KIF19: variants seen among roughly 807,000 people sequenced by gnomAD.
The protein encoded by KIF19 is kinesin-like protein KIF19.
A neutral mutation model predicts 106.6 loss-of-function variants in KIF19; 98 were observed. The observed-to-expected ratio is 0.92, with a 90% CI of 0.78 to 1.09. The LOEUF (loss-of-function observed/expected upper bound fraction) is 1.09. Ranked by LOEUF, KIF19 falls within the 50% of genes least tolerant of loss-of-function variation. The pLI is 0.00. For missense variants in KIF19, 1,373 were observed against 1,414.3 expected (o/e 0.97, Z 0.47); for synonymous variants, 516 against 584.2 (o/e 0.88, Z 1.68).
Position 74,354,311 on chromosome 17 carries a change from G to C in KIF19, c.2458G>C (p.Asp820His), listed in dbSNP as rs1185107808. The C allele has an allele frequency of 6.2e-7, 1 of 1,608,396 alleles. No homozygotes were observed. Among genetic ancestry groups the C allele is most frequent in the Non-Finnish European group, 8.5e-7 (1 of 1,178,192 alleles). The change falls in exon 18 of 20, where the codon GAT (aspartate) becomes CAT (histidine). Residue 820 changes from aspartate to histidine, a missense_variant. Asp to His is a moderately conservative substitution (Grantham distance 81). Transcript: ENST00000389916. ...CCTGCACTCACTGAGCGAGGGCGAC[G>C]ATGCGCGGCCACCAGGCCCACTGGC... ...LSLHSLSEGD[D>H]ARPPGPLACK...
rs759343368 is a variant in KIF19 at position 74,353,218 on chromosome 17, G to A, written c.2137G>A (p.Ala713Thr). 4 of 1,587,990 alleles carry A rather than the reference G, an allele frequency of 2.5e-6. No homozygotes were observed. The highest frequency in any genetic ancestry group is 3.4e-6 in the Non-Finnish European group (4 of 1,167,584). The change falls in exon 16 of 20, where the codon GCT (alanine) becomes ACT (threonine). Residue 713 changes from alanine to threonine, a missense_variant. Physicochemically the swap from Ala to Thr is moderately conservative, Grantham distance 58. Transcript: ENST00000389916. ...TESEGHHVFKAGTGAWQAKSS... is the reference protein window; with the variant it reads ...TESEGHHVFKTGTGAWQAKSS... ...CAGTGAAGGCCACCACGTGTTCAAG[G>A]CTGGTACTGGGGCCTGGCAGGCAAA...
Position 74,354,241 on chromosome 17 carries a change from G to A in KIF19, c.2388G>A (p.Glu796=), listed in dbSNP as rs781271668. The A allele has an allele frequency of 2.8e-5, 45 of 1,608,426 alleles. No individual in the cohort carries two copies. Among genetic ancestry groups the A allele is most frequent in the Non-Finnish European group, 3.6e-5 (43 of 1,179,426 alleles). The change falls in exon 18 of 20, where the codon GAG becomes GAA. Residue 796 remains glutamate (E), a synonymous_variant. Coordinates refer to ENST00000389916, the MANE Select transcript of KIF19 (RefSeq NM_153209.4). ...GGCGCTCGCGGGCCCTGGGAACCGA[G>A]GGGCGACACCTGCTGGCACCCGCGA... ...ARRRSRALGT[E]GRHLLAPATE...
chr17:74,337,983 G>T (rs939975252), intron 2 of KIF19, among the ~76,000 whole-genome samples: 8 of 152,282 alleles, frequency 5.3e-5, no homozygotes, highest in African/African-American at 1.7e-4. Flanking sequence ...CCCTCTTTAA[G>T]CGGGGATCGT....
rs1225605370 is a variant in KIF19, at chr17:74,349,322, G to A, written c.1186G>A (p.Asp396Asn). The change falls in exon 10 of 20, where the codon GAT (aspartate) becomes AAT (asparagine). Residue 396 changes from aspartate (D) to asparagine (N), a missense_variant. Physicochemically the swap from Asp to Asn is conservative, Grantham distance 23. Coordinates refer to ENST00000389916, the MANE Select transcript of KIF19 (RefSeq NM_153209.4). The part of the protein sequence containing the change: ...TGRGQARGRQ[D>N]RGDIRHIQAE... Reference sequence around the variant, plus strand: ...GCGGGGCCAGGCCCGGGGCCGGCAGGATCGGGGTGACATCCGCCACATCCA... The same window carrying A: ...GCGGGGCCAGGCCCGGGGCCGGCAGAATCGGGGTGACATCCGCCACATCCA... 6.2e-7 allele frequency: 1 copy of A among 1,606,370 alleles called. No individual in the cohort carries two copies. The highest frequency in any genetic ancestry group is 1.1e-5 in the South Asian group (1 of 89,958).
chr17:74,350,650 A>G (rs2054673589), intron 11 of KIF19, 57 bp from the exon 12 acceptor site: 3 of 1,610,544 alleles, frequency 1.9e-6, no homozygotes, highest in Non-Finnish European at 2.5e-6. Context: ...GTGGCTGTAC[A>G]GTGTGCCCTG....
intron 2 of KIF19, chr17:74,329,103 G>A (rs1408042566): frequency 6.6e-6 from 1 of 152,248 alleles, no homozygotes; most frequent in Non-Finnish European, 1.5e-5. Context: ...AGCTAACAAG[G>A]GCTTCAAAGA....
chr17:74,334,396 T>C (rs554264155), intron 2 of KIF19, among the ~76,000 whole-genome samples: 4 of 152,308 alleles, frequency 2.6e-5, no homozygotes, highest in South Asian at 4.1e-4. Context: ...ATAAGCTCCC[T>C]GGGTGACTCA....
intron 2 of KIF19, among the ~76,000 whole-genome samples, chr17:74,330,477 G>A (rs572761128): frequency 1.5e-4 from 23 of 152,188 alleles, no homozygotes; most frequent in Non-Finnish European, 3.1e-4. Flanking sequence ...TAGAGTTCAG[G>A]AGGAGAAACC....
Position 74,350,689 on chromosome 17 carries a change from T to A in KIF19, c.1389-18T>A, listed in dbSNP as rs1190657422. 1 of 1,613,296 alleles carries A rather than the reference T, an allele frequency of 6.2e-7. No individual in the cohort carries two copies. The highest frequency in any genetic ancestry group is 8.5e-7 in the Non-Finnish European group (1 of 1,179,722). ...CCATGGCCTGAATGCCCTGTCTCTC[T>A]GGGTGGGGCTGCGGCAGCTGGAAGC... On this transcript the variant is annotated intron_variant, in intron 11 of 19. Transcript: ENST00000389916.
chr17:74,350,580 G>T lies in KIF19; in HGVS notation c.1388+5G>T. ...ACACCTGCTCACCATCGCCGGGTAA[G>T]CCCCCCTCCCAGGACCCTCCAGGCC... is the stretch of plus-strand genomic sequence containing the variant. On this transcript the variant is annotated splice_donor_5th_base_variant and intron_variant, in intron 11 of 19. Coordinates refer to ENST00000389916, the MANE Select transcript of KIF19 (RefSeq NM_153209.4). 6.2e-7 allele frequency: 1 copy of T among 1,612,568 alleles called. No homozygotes were observed. Among genetic ancestry groups the T allele is most frequent in the Middle Eastern group, 1.6e-4 (1 of 6,062 alleles).
intron 2 of KIF19, among the ~76,000 whole-genome samples, chr17:74,338,259 G>C (rs1338574967): frequency 6.6e-6 from 1 of 152,232 alleles, no homozygotes; most frequent in African/African-American, 2.4e-5. Context: ...GCATCCCATG[G>C]GGACCCATAC....
In KIF19 at chr17:74,354,181, T is replaced by C; in HGVS notation, c.2328T>C (p.Thr776=). The part of the protein sequence containing the change: ...LSHKERKEIL[T]GTKCIWVKAA... ...CTGCAGAGAGGAAGGAGATCCTGAC[T>C]GGCACCAAGTGCATCTGGGTGAAGG... Residue 776 remains threonine (T), a synonymous_variant, in exon 18 of 20, where the codon ACT becomes ACC. Transcript: ENST00000389916. 6.2e-7 allele frequency: 1 copy of C among 1,608,700 alleles called. No individual in the cohort carries two copies. Among genetic ancestry groups the C allele is most frequent in the African/African-American group, 1.3e-5 (1 of 75,012 alleles).
intron 2 of KIF19, among the ~76,000 whole-genome samples, chr17:74,340,951 G>C (rs575970730): frequency 6.6e-6 from 1 of 152,166 alleles, no homozygotes; most frequent in East Asian, 1.9e-4. Flanking sequence ...TGACGACCTG[G>C]GGGGTGTGAC....
At chr17:74,332,241 T>C (rs1047134985) in intron 2 of KIF19, among the ~76,000 whole-genome samples, 3 of 146,490 alleles carry the variant, frequency 2.0e-5, no homozygotes, top group African/African-American at 7.6e-5. Flanking sequence ...TGTGTGTGTG[T>C]GTGTTCCTGG....
At chr17:74,339,523 A>G (rs1248599602) in intron 2 of KIF19, among the ~76,000 whole-genome samples, 1 of 150,408 alleles carries the variant, frequency 6.6e-6, no homozygotes, top group Non-Finnish European at 1.5e-5. Flanking sequence ...CTTCCCTCCC[A>G]CTGAAAGAGG....
chr17:74,334,947 G>T (rs2144215163), intron 2 of KIF19, among the ~76,000 whole-genome samples: 1 of 152,260 alleles, frequency 6.6e-6, no homozygotes, highest in South Asian at 2.1e-4. Context: ...TCCTCTCAAG[G>T]CTACAGCCAT....
Position 74,346,846 on chromosome 17 carries a change from G to A in KIF19, c.924+322G>A, listed in dbSNP as rs569755901. Among the ~76,000 whole-genome samples the A allele has an allele frequency of 3.6e-4, 55 of 152,316 alleles. No homozygotes were observed. The highest frequency in any genetic ancestry group is 1.3e-3 in the African/African-American group (53 of 41,564). ...AGAGCCGTCTAGATTTGGGGGTGCA[G>A]GTGGGCAGTCAGCCTCATGGCCCCA... On this transcript the variant is annotated intron_variant, in intron 8 of 19. Transcript: ENST00000389916. The surrounding 1 kb of genome is among the most constrained non-coding windows in gnomAD (Gnocchi z 4.6).
intron 4 of KIF19, 45 bp downstream of exon 4, chr17:74,342,762 G>C (rs764474466): frequency 6.5e-7 from 1 of 1,543,536 alleles, no homozygotes; most frequent in South Asian, 1.1e-5. Context: ...CAATGCCCCT[G>C]TAATCCCCGT....
chr17:74,330,669 A>C (rs2054052889), intron 2 of KIF19, among the ~76,000 whole-genome samples: 1 of 152,234 alleles, frequency 6.6e-6, no homozygotes, highest in African/African-American at 2.4e-5. Flanking sequence ...TTGTGTGCCC[A>C]CACACGGCAA....
Sources: allele counts gnomAD v4.1 joint callset (sites outside exome capture counted in the v4.1 genomes callset), GRCh38; gene constraint gnomAD v4.1.1; non-coding constraint Gnocchi (gnomAD v3.1); transcripts MANE v1.5; gene names NCBI Gene and HGNC (gene_info 2026-07-23, HGNC 2026-07-21).